The following PITPNC1 variants were observed in gnomAD, a reference collection of about 807,000 sequenced individuals.
The protein encoded by PITPNC1 is cytoplasmic phosphatidylinositol transfer protein 1.
A neutral mutation model predicts 44.7 loss-of-function variants in PITPNC1; 18 were observed. The ratio of observed to expected loss-of-function variants is 0.40; its 90% CI spans 0.28 to 0.60. The LOEUF is 0.60. PITPNC1 is among the 20% of genes least tolerant of loss of function. PITPNC1 has a pLI of 0.39. For synonymous variants in PITPNC1, 141 were observed against 149.6 expected, an observed-to-expected ratio of 0.94 and a Z score of 0.42; for missense variants, 290 against 418.4, an observed-to-expected ratio of 0.69 and a Z score of 2.68.
chr17:67,602,887 C>A (rs1407929563), intron 5 of PITPNC1, among the ~76,000 whole-genome samples: 1 of 152,094 alleles, frequency 6.6e-6, no homozygotes, highest in Non-Finnish European at 1.5e-5. Context: ...CAGGTGCATA[C>A]CACCATGCCC....
chr17:67,693,415 T>C lies in PITPNC1; in HGVS notation c.*527T>C, dbSNP rs1398959254. 2 of 152,770 alleles carry C rather than the reference T, an allele frequency of 1.3e-5. No individual in the cohort carries two copies. The highest frequency in any genetic ancestry group is 4.8e-5 in the African/African-American group (2 of 41,474). The allele number at this position is 152,770 out of a possible 1,614,324, so 9.5% of individuals were successfully genotyped here. ...ACTCAGGATTTGGAGCCTAATTAAC[T>C]CTAAACTTTTGAAAATTTTAATCAT... is the stretch of plus-strand genomic sequence containing the variant. On this transcript the variant is annotated 3_prime_UTR_variant, in exon 9 of 9. Coordinates refer to ENST00000581322, the MANE Select transcript of PITPNC1 (RefSeq NM_012417.4).
At chr17:67,495,059 T>TTG (rs2039930808) in intron 1 of PITPNC1, among the ~76,000 whole-genome samples, 2 of 103,242 alleles carry the variant, frequency 1.9e-5, no homozygotes, top group African/African-American at 7.1e-5. Context: ...TTTGTTTTTT[T>TTG]TTTTTTTTTT....
At chr17:67,439,781 A>G (rs1010896745) in intron 1 of PITPNC1, among the ~76,000 whole-genome samples, 1 of 152,166 alleles carries the variant, frequency 6.6e-6, no homozygotes, top group Non-Finnish European at 1.5e-5. Context: ...AAATGTGTTC[A>G]CGGATTGTGT....
chr17:67,444,496 G>C (rs1227684929), intron 1 of PITPNC1, among the ~76,000 whole-genome samples: 8 of 152,084 alleles, frequency 5.3e-5, no homozygotes, highest in African/African-American at 1.9e-4. Context: ...CAATGGGACA[G>C]ACTGGAGACT....
chr17:67,694,677 A>G lies in PITPNC1; in HGVS notation c.*1789A>G, dbSNP rs1019046096. The G allele has an allele frequency of 2.0e-5, 3 of 152,234 alleles. No individual in the cohort carries two copies. The highest frequency in any genetic ancestry group is 7.2e-5 in the African/African-American group (3 of 41,462). The allele number at this position is 152,234 out of a possible 1,614,324, so 9.4% of individuals were successfully genotyped here. ...AACCTGTTGCAAATAGCTTAGATCA[A>G]CAGTGTATCTCTTCCCTAAGAATGA... On this transcript the variant is annotated 3_prime_UTR_variant, in exon 9 of 9. Coordinates refer to ENST00000581322, the MANE Select transcript of PITPNC1 (RefSeq NM_012417.4).
intron 1 of PITPNC1, among the ~76,000 whole-genome samples, chr17:67,504,732 C>G (rs116613083): frequency 5.7e-4 from 87 of 152,236 alleles, no homozygotes; most frequent in African/African-American, 2.0e-3. Flanking sequence ...TGTTATTTTT[C>G]TATTCTCTAG....
At chr17:67,632,326 T>A in intron 6 of PITPNC1, 88 bp downstream of exon 6, 1 of 830,194 alleles carries the variant, frequency 1.2e-6, no homozygotes, top group Non-Finnish European at 2.0e-6. Flanking sequence ...CTTGGGAGGA[T>A]GCCATCTCTC....
At chr17:67,470,361 T>G (rs982433531) in intron 1 of PITPNC1, among the ~76,000 whole-genome samples, 2 of 152,118 alleles carry the variant, frequency 1.3e-5, no homozygotes, top group African/African-American at 4.8e-5. Context: ...CCCTAGAACT[T>G]CCCTTGTGAC....
At chr17:67,389,057 C>T (rs1029474137) in intron 1 of PITPNC1, among the ~76,000 whole-genome samples, 1 of 152,198 alleles carries the variant, frequency 6.6e-6, no homozygotes, top group African/African-American at 2.4e-5. Flanking sequence ...GACATCAAGG[C>T]GTCAGTCAGG....
At chr17:67,436,886 G>C (rs1398882036) in intron 1 of PITPNC1, among the ~76,000 whole-genome samples, 1 of 126,524 alleles carries the variant, frequency 7.9e-6, no homozygotes, top group Non-Finnish European at 1.7e-5. Flanking sequence ...CTCAGAATCT[G>C]ATTGTATTTG....
chr17:67,560,554 A>G (rs1389375407), intron 4 of PITPNC1, among the ~76,000 whole-genome samples: 4 of 152,160 alleles, frequency 2.6e-5, no homozygotes, highest in Non-Finnish European at 4.4e-5. Flanking sequence ...TAGAAAATGA[A>G]CTGGTTGTAT....
intron 1 of PITPNC1, among the ~76,000 whole-genome samples, chr17:67,438,710 C>T (rs770627785): frequency 6.6e-6 from 1 of 152,182 alleles, no homozygotes; most frequent in Non-Finnish European, 1.5e-5. Flanking sequence ...ACTTTTCCTT[C>T]CTCTCTTTTA....
At chr17:67,509,729 C>T (rs562042279) in intron 1 of PITPNC1, among the ~76,000 whole-genome samples, 1 of 152,146 alleles carries the variant, frequency 6.6e-6, no homozygotes, top group African/African-American at 2.4e-5. Flanking sequence ...GAAAAACACA[C>T]TTTGGGGAAC....
At chr17:67,643,772 C>G (rs1376442466) in intron 6 of PITPNC1, among the ~76,000 whole-genome samples, 2 of 152,162 alleles carry the variant, frequency 1.3e-5, no homozygotes, top group African/African-American at 4.8e-5. Context: ...GGAAAGTGAC[C>G]AGCACAGTCC....
chr17:67,677,185 G>A lies in PITPNC1; in HGVS notation c.682+1643G>A, dbSNP rs1164715764. Among the ~76,000 whole-genome samples, 3 of 152,104 alleles carry A rather than the reference G, an allele frequency of 2.0e-5. No individual in the cohort carries two copies. The East Asian group carries it at 5.8e-4, about 29-fold the overall frequency. On this transcript the variant is annotated intron_variant, in intron 8 of 8. Coordinates refer to ENST00000581322, the MANE Select transcript of PITPNC1 (RefSeq NM_012417.4). ...GAACTTCTGGTCTCTCCCAGCTTGTGCTCCTCAGAGCTCATGGTTTCCTTG... is the reference window on the plus strand; with the variant it reads ...GAACTTCTGGTCTCTCCCAGCTTGTACTCCTCAGAGCTCATGGTTTCCTTG...
intron 2 of PITPNC1, among the ~76,000 whole-genome samples, chr17:67,550,429 G>A (rs1220264212): frequency 1.5e-5 from 2 of 131,076 alleles, no homozygotes; most frequent in African/African-American, 2.5e-5. Context: ...TCAGAAATAA[G>A]AGAAACAACT....
At chr17:67,412,169 G>T (rs529164614) in intron 1 of PITPNC1, among the ~76,000 whole-genome samples, 1 of 152,238 alleles carries the variant, frequency 6.6e-6, no homozygotes, top group South Asian at 2.1e-4. Flanking sequence ...CCTGGCCCTC[G>T]GTAGGGACTT....
intron 8 of PITPNC1, among the ~76,000 whole-genome samples, chr17:67,688,727 GT>G (rs2042867574): frequency 6.6e-6 from 1 of 152,108 alleles, no homozygotes; most frequent in Admixed American, 6.6e-5. Flanking sequence ...TTGGGCCCCA[GT>G]TCCCCCTCAG....
At chr17:67,677,789 C>G (rs2042629879) in intron 8 of PITPNC1, among the ~76,000 whole-genome samples, 1 of 151,904 alleles carries the variant, frequency 6.6e-6, no homozygotes, top group African/African-American at 2.4e-5. Flanking sequence ...CCAGGTTGGT[C>G]TCAAACTCCT....
Sources: allele counts gnomAD v4.1 joint callset (sites outside exome capture counted in the v4.1 genomes callset), GRCh38; gene constraint gnomAD v4.1.1; transcripts MANE v1.5; gene names NCBI Gene and HGNC (gene_info 2026-07-23, HGNC 2026-07-21).